Variants in BACE2 observed in about 807,000 individuals in gnomAD.
BACE2 encodes beta-secretase 2.
In BACE2, 17 loss-of-function variants were observed where a neutral mutation model predicts 46.2. The ratio of observed to expected loss-of-function variants is 0.37; its 90% CI spans 0.25 to 0.55. The LOEUF (loss-of-function observed/expected upper bound fraction) is 0.55. Ranked by LOEUF, BACE2 falls within the 20% of genes least tolerant of loss-of-function variation. The pLI is 0.82. For missense variants in BACE2, 595 were observed against 698.1 expected, an observed-to-expected ratio of 0.85 and a Z score of 1.66; for synonymous variants, 277 against 295.9, an observed-to-expected ratio of 0.94 and a Z score of 0.66.
intron 5 of BACE2, among the ~76,000 whole-genome samples, chr21:41,244,373 G>A (rs1300360159): frequency 6.6e-6 from 1 of 152,142 alleles, no homozygotes; most frequent in East Asian, 1.9e-4. Flanking sequence ...AGTCAGTGAA[G>A]GGAGACAGGG....
rs1352250841 is a variant in BACE2, at chr21:41,243,367, C to T, written c.748-9C>T. 1 of 1,584,796 alleles carries T rather than the reference C, an allele frequency of 6.3e-7. No individual in the cohort carries two copies. Among genetic ancestry groups the T allele is most frequent in the Admixed American group, 1.8e-5 (1 of 55,784 alleles). On this transcript the variant is annotated splice_polypyrimidine_tract_variant and intron_variant, in intron 4 of 8. Coordinates refer to ENST00000330333, the MANE Select transcript of BACE2 (RefSeq NM_012105.5). ...TTTCTCTTATACCTGTAAATATTTC[C>T]TGTCCCAGGTCTTGGGTGGAATTGA...
intron 1 of BACE2, chr21:41,179,651 G>T (rs768394179): frequency 7.3e-7 from 1 of 1,361,486 alleles, no homozygotes; most frequent in East Asian, 4.6e-5. Flanking sequence ...TGTGCTCTGA[G>T]GTTAGATTTT....
intron 8 of BACE2, among the ~76,000 whole-genome samples, chr21:41,260,641 G>T (rs1319056017): frequency 6.6e-6 from 1 of 152,210 alleles, no homozygotes; most frequent in South Asian, 2.1e-4. Context: ...CCTCTGGTCA[G>T]CCCTGAACAT....
chr21:41,233,400 T>C (rs558378969), intron 2 of BACE2, among the ~76,000 whole-genome samples: 8 of 152,300 alleles, frequency 5.3e-5, no homozygotes, highest in African/African-American at 1.7e-4. Context: ...AATAAGGGAT[T>C]GAACTCATAT....
At chr21:41,230,393 A>G (rs1245912962) in intron 2 of BACE2, among the ~76,000 whole-genome samples, 1 of 152,238 alleles carries the variant, frequency 6.6e-6, no homozygotes, top group African/African-American at 2.4e-5. Context: ...TCAATTATGT[A>G]TAATTAATTT....
At chr21:41,210,004 C>G (rs938378094) in intron 1 of BACE2, among the ~76,000 whole-genome samples, 11 of 152,208 alleles carry the variant, frequency 7.2e-5, no homozygotes, top group South Asian at 4.2e-4. Flanking sequence ...CCCCCTTCCC[C>G]CTAACCAACC....
chr21:41,243,323 T>C, intron 4 of BACE2, 53 bp from the exon 5 acceptor site: 6 of 1,476,590 alleles, frequency 4.1e-6, no homozygotes, highest in Non-Finnish European at 5.5e-6. Flanking sequence ...GTGTAACCTG[T>C]TGATATGTCT....
chr21:41,236,455 T>A (rs977512191), intron 2 of BACE2, among the ~76,000 whole-genome samples: 6 of 152,182 alleles, frequency 3.9e-5, no homozygotes, highest in Non-Finnish European at 7.3e-5. Flanking sequence ...GGCAGGACTT[T>A]CGTCTGATCT....
chr21:41,275,486 T>G lies in BACE2; in HGVS notation c.1419T>G (p.Tyr473Ter). Residue 473 changes from tyrosine to a stop codon, truncating the protein, a stop_gained, in exon 9 of 9, where the codon TAT becomes TAG. Coordinates refer to ENST00000330333, the MANE Select transcript of BACE2 (RefSeq NM_012105.5). LOFTEE classifies it low-confidence loss of function (END_TRUNC). ...AGCCCATTTTGTGGATTGTGTCCTATGCGCTCATGAGCGTCTGTGGAGCCA... is the reference window on the plus strand; with the variant it reads ...AGCCCATTTTGTGGATTGTGTCCTAGGCGCTCATGAGCGTCTGTGGAGCCA... ...LSEPILWIVS[Y>*]ALMSVCGAIL... 1 of 1,614,140 alleles carries G rather than the reference T, an allele frequency of 6.2e-7. No individual in the cohort carries two copies. Among genetic ancestry groups the G allele is most frequent in the Non-Finnish European group, 8.5e-7 (1 of 1,180,024 alleles).
chr21:41,216,595 G>A (rs955050832), intron 1 of BACE2, among the ~76,000 whole-genome samples: 8 of 152,234 alleles, frequency 5.3e-5, no homozygotes, highest in Admixed American at 1.3e-4. Flanking sequence ...GGGTCTGGGC[G>A]TGTGAGAACG....
At chr21:41,265,168 C>A (rs763326387) in intron 8 of BACE2, among the ~76,000 whole-genome samples, 58 of 139,822 alleles carry the variant, frequency 4.1e-4, no homozygotes, top group Non-Finnish European at 5.5e-4. Flanking sequence ...TGCCTAAAGT[C>A]CTTCCTTTTT....
chr21:41,273,677 G>A (rs2088456021), intron 8 of BACE2, among the ~76,000 whole-genome samples: 1 of 152,142 alleles, frequency 6.6e-6, no homozygotes, highest in African/African-American at 2.4e-5. Flanking sequence ...AGGGTCCTGA[G>A]GTGGCATACA....
intron 1 of BACE2, among the ~76,000 whole-genome samples, chr21:41,202,623 G>A (rs964413029): frequency 6.6e-6 from 1 of 152,208 alleles, no homozygotes; most frequent in Non-Finnish European, 1.5e-5. Flanking sequence ...AACTGGAAAA[G>A]GGAGAACGTG....
intron 1 of BACE2, among the ~76,000 whole-genome samples, chr21:41,210,463 G>A (rs866868385): frequency 8.5e-5 from 13 of 152,248 alleles, no homozygotes; most frequent in South Asian, 4.2e-4. Flanking sequence ...GTTGAGCCGC[G>A]TACTCTACAC....
intron 1 of BACE2, among the ~76,000 whole-genome samples, chr21:41,217,224 C>A (rs931796413): frequency 2.6e-5 from 4 of 152,232 alleles, no homozygotes; most frequent in Non-Finnish European, 5.9e-5. Flanking sequence ...CCACTGCGCC[C>A]GGCCCAATCT....
intron 1 of BACE2, among the ~76,000 whole-genome samples, chr21:41,218,625 G>A (rs1376892894): frequency 6.6e-6 from 1 of 152,166 alleles, no homozygotes; most frequent in African/African-American, 2.4e-5. Context: ...CCTATGGAGA[G>A]GTTGGTGGGA....
At chr21:41,234,599 A>G (rs1295119732) in intron 2 of BACE2, among the ~76,000 whole-genome samples, 1 of 152,220 alleles carries the variant, frequency 6.6e-6, no homozygotes, top group Non-Finnish European at 1.5e-5. Flanking sequence ...TCTAGATCCT[A>G]TTCTCCAAGC....
chr21:41,228,228 G>A (rs1365101911), intron 2 of BACE2, among the ~76,000 whole-genome samples: 2 of 152,206 alleles, frequency 1.3e-5, no homozygotes, highest in South Asian at 2.1e-4. Context: ...ACCTCAGTAC[G>A]TGAACACTCT....
intron 8 of BACE2, among the ~76,000 whole-genome samples, chr21:41,261,917 T>C (rs1987947018): frequency 6.6e-6 from 1 of 152,178 alleles, no homozygotes; most frequent in Non-Finnish European, 1.5e-5. Context: ...CCAGTATGTG[T>C]ATATAGGTGA....
Sources: allele counts gnomAD v4.1 joint callset (sites outside exome capture counted in the v4.1 genomes callset), GRCh38; gene constraint gnomAD v4.1.1; transcripts MANE v1.5; gene names NCBI Gene and HGNC (gene_info 2026-07-23, HGNC 2026-07-21).